ZNF567: variants seen among roughly 807,000 people sequenced by gnomAD.
ZNF567 encodes zinc finger protein 567.
A neutral mutation model predicts 53.9 loss-of-function variants in ZNF567; 36 were observed. The ratio of observed to expected loss-of-function variants is 0.67; its 90% CI spans 0.51 to 0.88. The LOEUF is 0.88. Ranked by LOEUF, ZNF567 falls within the 40% of genes least tolerant of loss-of-function variation. The probability of loss-of-function intolerance (pLI) is 0.00; values close to 1 mark genes in which losing one functional copy is unlikely to be tolerated. For missense variants in ZNF567, 619 were observed against 764.7 expected (o/e 0.81, Z 2.25); for synonymous variants, 224 against 260.4 (o/e 0.86, Z 1.35).
intron 5 of ZNF567, among the ~76,000 whole-genome samples, chr19:36,715,503 A>AATC (rs780475044): frequency 1.6e-4 from 5 of 30,808 alleles, no homozygotes; most frequent in African/African-American, 5.5e-4. Flanking sequence ...TAATAATAAT[A>AATC]ATAATAATTA....
upstream of ZNF567, chr19:36,686,775 T>C (rs1568676774): frequency 6.6e-6 from 1 of 152,222 alleles, no homozygotes; most frequent in East Asian, 1.9e-4. Flanking sequence ...CCCTTTTTGA[T>C]GGCCATTTCA....
chr19:36,718,521 T>A (rs1245080362), intron 5 of ZNF567, among the ~76,000 whole-genome samples: 1 of 151,990 alleles, frequency 6.6e-6, no homozygotes, highest in African/African-American at 2.4e-5. Flanking sequence ...TAATAATTAT[T>A]ATAGGTGATC....
At chr19:36,724,004 C>CTTTTTTTTTTTTTTTTTTTTTTTTTTTT (rs536627641), downstream of ZNF567, among the ~76,000 whole-genome samples, 1 of 98,384 alleles carries the variant, frequency 1.0e-5, no homozygotes. Flanking sequence ...TTCTGTATTT[C>CTTTTTTTTTTTTTTTTTTTTTTTTTTTT]TTTTTTTTTT....
At chr19:36,671,926 T>A in the ZNF567 span, among the ~76,000 whole-genome samples, 172 of 152,346 alleles carry the variant, frequency 1.1e-3, no homozygotes, top group African/African-American at 3.8e-3. Flanking sequence ...AAGGCACACA[T>A]GTGAAGAAGT....
chr19:36,712,550 C>G (rs1332612269), intron 4 of ZNF567, 38 bp downstream of exon 4: 2 of 1,613,138 alleles, frequency 1.2e-6, no homozygotes, highest in African/African-American at 2.7e-5. Context: ...GTAGCATGCA[C>G]TTCCTCTCAA....
downstream of ZNF567, chr19:36,723,239 G>C (rs1396246906): frequency 5.7e-6 from 4 of 702,898 alleles, no homozygotes; most frequent in Non-Finnish European, 1.0e-5. Context: ...ACCCACCAAA[G>C]ATTTGGGGAA....
At chr19:36,686,990 ACT>A (rs1250089045), upstream of ZNF567, among the ~76,000 whole-genome samples, 3 of 151,966 alleles carry the variant, frequency 2.0e-5, no homozygotes, top group Non-Finnish European at 2.9e-5. Context: ...TTGCAAGATG[ACT>A]CTGCTTAACA....
At chr19:36,681,655 C>T in the ZNF567 span, among the ~76,000 whole-genome samples, 490 of 151,966 alleles carry the variant, frequency 3.2e-3, 5 homozygotes, top group African/African-American at 0.011. Flanking sequence ...GTCTTGAACT[C>T]CTGGGCTCAA....
upstream of ZNF567, among the ~76,000 whole-genome samples, chr19:36,684,829 T>C (rs2038236171): frequency 2.0e-5 from 3 of 152,110 alleles, no homozygotes; most frequent in South Asian, 2.1e-4. Flanking sequence ...GATAACACTT[T>C]AGAAATAACA....
the ZNF567 span, among the ~76,000 whole-genome samples, chr19:36,675,708 G>A: frequency 6.6e-6 from 1 of 151,904 alleles, no homozygotes; most frequent in Non-Finnish European, 1.5e-5. Context: ...AATTAGCCAG[G>A]TGTGGTGGCA....
At chr19:36,690,626 A>G (rs2011137573) in intron 2 of ZNF567, among the ~76,000 whole-genome samples, 1 of 152,148 alleles carries the variant, frequency 6.6e-6, no homozygotes, top group African/African-American at 2.4e-5. Flanking sequence ...ACTCTTAGGA[A>G]AAAACACATA....
At chr19:36,717,116 C>T (rs771839400) in intron 5 of ZNF567, among the ~76,000 whole-genome samples, 2 of 151,962 alleles carry the variant, frequency 1.3e-5, no homozygotes, top group Non-Finnish European at 2.9e-5. Flanking sequence ...CATGAGCAAC[C>T]GTGCCCAGCC....
chr19:36,682,269 A>T, the ZNF567 span, among the ~76,000 whole-genome samples: 3 of 143,330 alleles, frequency 2.1e-5, no homozygotes, highest in African/African-American at 7.9e-5. Context: ...GGAGTACAGA[A>T]TGAGACCCTG....
chr19:36,719,504 A>G lies in ZNF567; in HGVS notation c.780A>G (p.Lys260=). 6.2e-7 allele frequency: 1 copy of G among 1,613,110 alleles called. No homozygotes were observed. Among genetic ancestry groups the G allele is most frequent in the Non-Finnish European group, 8.5e-7 (1 of 1,179,742 alleles). Residue 260 remains lysine (K), a synonymous_variant, in exon 6 of 6, where the codon AAA becomes AAG. Coordinates refer to ENST00000682579, the MANE Select transcript of ZNF567 (RefSeq NM_001322917.1). The stretch of plus-strand genomic sequence containing the variant: ...AACATACATGCAATGAATGTGGGAA[A>G]TCTTTCTGCAGGAAATCAGTATTGA... ...EKKHTCNECG[K]SFCRKSVLIL...
chr19:36,720,222 A>G lies in ZNF567; in HGVS notation c.1498A>G (p.Thr500Ala). The change falls in exon 6 of 6, where the codon ACA (threonine) becomes GCA (alanine). Residue 500 changes from threonine (T) to alanine (A), a missense_variant. Physicochemically the swap from Thr to Ala is moderately conservative, Grantham distance 58. Transcript: ENST00000682579. ...SYLIDHHRTHTGEKPYECNEC... is the reference protein window; with the variant it reads ...SYLIDHHRTHAGEKPYECNEC... ...CCTCATTGATCATCACCGAACTCAC[A>G]CAGGAGAGAAACCATATGAATGTAA... 2 of 1,614,212 alleles carry G rather than the reference A, an allele frequency of 1.2e-6. No individual in the cohort carries two copies. Among genetic ancestry groups the G allele is most frequent in the South Asian group, 2.2e-5 (2 of 91,088 alleles).
chr19:36,712,680 C>T, intron 4 of ZNF567, 101 bp from the exon 5 acceptor site: 4 of 1,374,846 alleles, frequency 2.9e-6, no homozygotes, highest in Non-Finnish European at 4.1e-6. Flanking sequence ...TATATTGTTA[C>T]ACAAATGGGT....
intron 3 of ZNF567, chr19:36,712,130 T>G: frequency 2.7e-6 from 1 of 367,220 alleles, no homozygotes; most frequent in Non-Finnish European, 5.2e-6. Context: ...CACTGCATCC[T>G]CCGCCTCCTG....
downstream of ZNF567, among the ~76,000 whole-genome samples, chr19:36,722,086 T>C (rs58403474): frequency 2.3e-3 from 351 of 152,144 alleles, 1 homozygote; most frequent in African/African-American, 8.0e-3. Context: ...AATGTAAGTC[T>C]CTGAAAATCC....
At chr19:36,713,002 T>A in intron 5 of ZNF567, 135 bp downstream of exon 5, 1 of 683,892 alleles carries the variant, frequency 1.5e-6, no homozygotes, top group Non-Finnish European at 2.4e-6. Context: ...CCTTCATGCC[T>A]ATAAAACTCA....
Sources: gnomAD v4.1 joint callset for allele counts (sites outside exome capture counted in the v4.1 genomes callset) on GRCh38, gnomAD v4.1.1 for gene constraint, MANE v1.5 for transcripts, NCBI Gene and HGNC (gene_info 2026-07-23, HGNC 2026-07-21) for gene names.